Variants in PCM1 observed in about 807,000 individuals in gnomAD.
PCM1 encodes the protein pericentriolar material 1 protein.
A neutral mutation model predicts 241.9 loss-of-function variants in PCM1; 157 were observed. That is an observed-to-expected ratio of 0.65 (90% CI 0.57 to 0.74). The LOEUF (loss-of-function observed/expected upper bound fraction) is 0.74, where lower values mean the gene tolerates loss of function less well. PCM1 is among the 30% of genes least tolerant of loss of function. PCM1 has a pLI of 0.00. For synonymous variants in PCM1, 1,085 were observed against 784.9 expected, an observed-to-expected ratio of 1.38 and a Z score of -6.39; for missense variants, 3,478 against 2,360.1, an observed-to-expected ratio of 1.47 and a Z score of -9.81.
chr8:17,943,214 A>G (rs1242891895), intron 6 of PCM1, among the ~76,000 whole-genome samples: 4 of 127,988 alleles, frequency 3.1e-5, no homozygotes, highest in East Asian at 2.1e-4. Flanking sequence ...GTGGCTATTT[A>G]CAAATGGTAA....
At position 18,027,693 on chromosome 8, in the gene PCM1, CT is replaced by C; in HGVS notation, c.*33del. The stretch of plus-strand genomic sequence containing the variant: ...CTTCAGAGGCTCATCTAACTCTGTC[CT>C]TACATACTCAATGCATATATGAAAA... On this transcript the variant is annotated 3_prime_UTR_variant, in exon 39 of 39. Transcript: ENST00000325083. The C allele has an allele frequency of 6.6e-7, 1 of 1,513,276 alleles. No homozygotes were observed. The highest frequency in any genetic ancestry group is 1.2e-5 in the South Asian group (1 of 83,238). The allele number at this position is 1,513,276 out of a possible 1,614,324, so 93.7% of individuals were successfully genotyped here.
chr8:17,982,997 G>A (rs1441875614), intron 24 of PCM1, among the ~76,000 whole-genome samples: 6 of 152,120 alleles, frequency 3.9e-5, no homozygotes, highest in African/African-American at 7.2e-5. Context: ...AAAAATGAAT[G>A]ATAGAAGTTT....
chr8:17,993,736 T>A (rs2085607272), intron 29 of PCM1, 117 bp downstream of exon 29: 1 of 828,078 alleles, frequency 1.2e-6, no homozygotes, highest in Non-Finnish European at 1.8e-6. Context: ...AAAAAAACTA[T>A]CACCCATAAT....
chr8:17,995,251 C>T (rs930661737), intron 29 of PCM1, among the ~76,000 whole-genome samples: 1 of 151,434 alleles, frequency 6.6e-6, no homozygotes. Context: ...ATATGGATAT[C>T]CAGTTACCCC....
At chr8:18,011,134 T>G in intron 32 of PCM1, 103 bp from the exon 33 acceptor site, 1 of 737,004 alleles carries the variant, frequency 1.4e-6, no homozygotes, top group Non-Finnish European at 2.0e-6. Flanking sequence ...TGGTTCTTTG[T>G]ATTTTTTATT....
At chr8:18,008,894 G>A (rs2091991297) in intron 30 of PCM1, among the ~76,000 whole-genome samples, 1 of 152,198 alleles carries the variant, frequency 6.6e-6, no homozygotes, top group Non-Finnish European at 1.5e-5. Context: ...CGTTCAAGTT[G>A]CCAGGGCTTA....
At chr8:17,949,758 A>G (rs1021396604) in intron 7 of PCM1, among the ~76,000 whole-genome samples, 3 of 152,134 alleles carry the variant, frequency 2.0e-5, no homozygotes. Flanking sequence ...TGGCCTTCCA[A>G]AGTGTTGGAA....
rs1374256362 is a variant in PCM1, at chr8:18,028,320, A to G, written c.*658A>G. 11 of 46,156 alleles carry G rather than the reference A, an allele frequency of 2.4e-4. No individual in the cohort carries two copies. In the African/African-American group the frequency reaches 2.8e-3, roughly 12 times the overall value. 2.9% of individuals were successfully genotyped at this position (46,156 alleles called of 1,614,324 possible). ...AGTATCTAGAACTTACATCATTATC[A>G]TCTGTTTGTTAGGATTTGAAATTCT... On this transcript the variant is annotated 3_prime_UTR_variant, in exon 39 of 39. Transcript: ENST00000325083.
Position 17,939,738 on chromosome 8 carries a change from T to C in PCM1, c.660T>C (p.Ser220=), listed in dbSNP as rs1393453780. ...VQIRDYITKA[S]SMREDLVEKN... ...TTCGCGATTATATTACTAAAGCTAG[T>C]TCCATGCGGGAAGATCTTGTAGAGA... Residue 220 remains serine, a synonymous_variant, in exon 6 of 39, where the codon AGT becomes AGC. Transcript: ENST00000325083. 7.7e-6 allele frequency: 12 copies of C among 1,559,968 alleles called. No homozygotes were observed. The highest frequency in any genetic ancestry group is 9.6e-6 in the Non-Finnish European group (11 of 1,149,296).
Position 17,960,055 on chromosome 8 carries a change from A to C in PCM1, c.2082A>C (p.Ser694=), listed in dbSNP as rs766724009. ...AAGGAGTTATCTCTGCCAGTGCATC[A>C]AATTTGGATGATTTCTACCCAGCAG... The part of the protein sequence containing the change: ...AAQGVISASA[S]NLDDFYPAEE... The change falls in exon 14 of 39, where the codon TCA becomes TCC. Residue 694 remains serine, a synonymous_variant. Transcript: ENST00000325083. The C allele has an allele frequency of 7.4e-6, 12 of 1,612,786 alleles. No individual in the cohort carries two copies. The highest frequency in any genetic ancestry group is 5.0e-5 in the Admixed American group (3 of 59,884).
At chr8:17,976,636 T>C (rs547208001) in intron 23 of PCM1, among the ~76,000 whole-genome samples, 2 of 152,264 alleles carry the variant, frequency 1.3e-5, no homozygotes, top group African/African-American at 4.8e-5. Context: ...ATGTGCAAGG[T>C]CTCCAGAGTG....
At chr8:17,950,586 T>G (rs758048227) in intron 7 of PCM1, 29 bp from the exon 8 acceptor site, 3 of 1,043,122 alleles carry the variant, frequency 2.9e-6, no homozygotes, top group Non-Finnish European at 4.4e-6. Context: ...ATTATTTACA[T>G]TAATCAGTAG....
intron 36 of PCM1, among the ~76,000 whole-genome samples, chr8:18,016,473 A>G (rs1401382664): frequency 6.6e-6 from 1 of 150,780 alleles, no homozygotes; most frequent in Non-Finnish European, 1.5e-5. Flanking sequence ...GTTTTAATCT[A>G]GATAAAATTG....
chr8:17,928,967 C>G (rs1451950164), intron 2 of PCM1, among the ~76,000 whole-genome samples: 1 of 152,158 alleles, frequency 6.6e-6, no homozygotes. Flanking sequence ...TGTAAACGTA[C>G]TCAAGATACT....
chr8:17,938,628 G>A (rs551636066), intron 4 of PCM1, 112 bp from the exon 5 acceptor site: 2 of 707,118 alleles, frequency 2.8e-6, no homozygotes, highest in African/African-American at 3.5e-5. Flanking sequence ...AAAGCTCTTT[G>A]TGTGCACCTT....
chr8:17,933,221 A>G (rs937880762), intron 2 of PCM1, among the ~76,000 whole-genome samples: 1 of 152,086 alleles, frequency 6.6e-6, no homozygotes, highest in Non-Finnish European at 1.5e-5. Context: ...AGCTGTTACT[A>G]GTTTTTCTTA....
At position 17,946,087 on chromosome 8, in the gene PCM1, A is replaced by C. The variant is rs185223700; in HGVS notation, c.784-1099A>C. Among the ~76,000 whole-genome samples, 707 of 152,050 alleles carry C rather than the reference A, an allele frequency of 4.6e-3. 7 individuals carry two copies. Among genetic ancestry groups the C allele is most frequent in the African/African-American group, 0.016 (682 of 41,472 alleles). ...AAATTTGTCTCTGCTTTGCTTTTCC[A>C]TTTTCTTGTTGGATTACATTTTGAA... is the stretch of plus-strand genomic sequence containing the variant. On this transcript the variant is annotated intron_variant, in intron 6 of 38. Coordinates refer to ENST00000325083, the MANE Select transcript of PCM1 (RefSeq NM_006197.4).
rs867427122 is a variant in PCM1 at position 18,018,895 on chromosome 8, T to C, written c.5841+4055T>C. Among the ~76,000 whole-genome samples the C allele has an allele frequency of 6.4e-3, 273 of 42,594 alleles. 8 individuals are homozygous for C. The highest frequency in any genetic ancestry group is 0.037 in the South Asian group (67 of 1,826). 27.9% of individuals were successfully genotyped at this position (42,594 alleles called of 152,430 possible). A position where few individuals can be genotyped will look rare whatever the true frequency, so the allele number is the denominator to read the frequency against. ...ATATATATATACACACACATATACA[T>C]ACACATATATATATATAAATATATA... On this transcript the variant is annotated intron_variant, in intron 36 of 38. Transcript: ENST00000325083.
rs527566741 is a variant in PCM1, at chr8:17,962,973, G to T, written c.2464-128G>T. ...TTATTATTTTAACCTTCATGGACAT[G>T]TTAGTGTGAAAAGGAGAGAATGAGA... On this transcript the variant is annotated intron_variant, in intron 16 of 38. Transcript: ENST00000325083. 19 of 635,602 alleles carry T rather than the reference G, an allele frequency of 3.0e-5. No homozygotes were observed. In the South Asian group the frequency reaches 3.7e-4, roughly 12 times the overall value. The allele number at this position is 635,602 out of a possible 1,614,324, so 39.4% of individuals were successfully genotyped here.
Sources: gnomAD v4.1 joint callset for allele counts (sites outside exome capture counted in the v4.1 genomes callset) on GRCh38, gnomAD v4.1.1 for gene constraint, MANE v1.5 for transcripts, NCBI Gene and HGNC (gene_info 2026-07-23, HGNC 2026-07-21) for gene names.